FNIP2: variants seen among roughly 807,000 people sequenced by gnomAD.
The protein encoded by FNIP2 is folliculin-interacting protein 2.
Under a neutral mutation model 108.7 loss-of-function variants are expected in FNIP2, and 32 were observed. The observed-to-expected ratio is 0.29, with a 90% confidence interval of 0.22 to 0.40. The LOEUF (loss-of-function observed/expected upper bound fraction) is 0.40. FNIP2 is among the 10% of genes least tolerant of loss of function. FNIP2 has a pLI of 1.00. For synonymous variants in FNIP2, 480 were observed against 496.7 expected, an observed-to-expected ratio of 0.97 and a Z score of 0.45; for missense variants, 1,202 against 1,381.6, an observed-to-expected ratio of 0.87 and a Z score of 2.06.
At chr4:158,871,193 T>G (rs1780928517) in intron 14 of FNIP2, among the ~76,000 whole-genome samples, 1 of 152,326 alleles carries the variant, frequency 6.6e-6, no homozygotes, top group Non-Finnish European at 1.5e-5. Flanking sequence ...TGCTATTAAG[T>G]GCTTTTCTGC....
intron 12 of FNIP2, among the ~76,000 whole-genome samples, chr4:158,864,912 CTCTT>C (rs1780496695): frequency 6.6e-6 from 1 of 152,004 alleles, no homozygotes; most frequent in Non-Finnish European, 1.5e-5. Context: ...CTATTCTTCC[CTCTT>C]TCTTCCTAAG....
intron 1 of FNIP2, among the ~76,000 whole-genome samples, chr4:158,776,089 A>G (rs988956508): frequency 3.3e-5 from 5 of 152,236 alleles, no homozygotes; most frequent in African/African-American, 9.6e-5. Context: ...TCTTTAAATA[A>G]ATGATTGGTG....
Position 158,835,493 on chromosome 4 carries a change from T to A in FNIP2, c.727+17T>A, listed in dbSNP as rs780846762. ...CTCGATCAGGTACTTGTACTCTGTT[T>A]ATTGGTTTAACTAACAGAGTGAACT... is the stretch of plus-strand genomic sequence containing the variant. On this transcript the variant is annotated intron_variant, in intron 7 of 16. Transcript: ENST00000264433. 1.2e-6 allele frequency: 2 copies of A among 1,607,450 alleles called. No homozygotes were observed. Among genetic ancestry groups the A allele is most frequent in the Non-Finnish European group, 1.7e-6 (2 of 1,175,114 alleles).
intron 1 of FNIP2, among the ~76,000 whole-genome samples, chr4:158,804,413 CTTTT>C (rs35175799): frequency 2.2e-5 from 3 of 135,590 alleles, no homozygotes; most frequent in African/African-American, 5.5e-5. Context: ...GTATTATACA[CTTTT>C]TTTTTTTTTT....
chr4:158,843,372 G>A (rs1241871222), intron 7 of FNIP2, among the ~76,000 whole-genome samples: 2 of 152,182 alleles, frequency 1.3e-5, no homozygotes, highest in African/African-American at 2.4e-5. Context: ...GGGTATCACT[G>A]TCATCCTGCA....
chr4:158,883,185 G>A (rs1048918653), intron 14 of FNIP2, among the ~76,000 whole-genome samples: 10 of 152,100 alleles, frequency 6.6e-5, no homozygotes, highest in East Asian at 5.8e-4. Flanking sequence ...AGAGAGAAGT[G>A]CTTCCAATTA....
At chr4:158,793,324 A>C (rs1329664164) in intron 1 of FNIP2, among the ~76,000 whole-genome samples, 3 of 152,348 alleles carry the variant, frequency 2.0e-5, no homozygotes, top group African/African-American at 7.2e-5. Flanking sequence ...AAACAGGCCT[A>C]TGCAAAGTAT....
intron 8 of FNIP2, among the ~76,000 whole-genome samples, chr4:158,852,835 T>G (rs1166317104): frequency 6.6e-6 from 1 of 151,036 alleles, no homozygotes; most frequent in Non-Finnish European, 1.5e-5. Flanking sequence ...TCTGAAAATG[T>G]TTTTTTATCC....
intron 14 of FNIP2, chr4:158,872,027 T>A (rs1780982303): frequency 1.0e-6 from 1 of 985,006 alleles, no homozygotes; most frequent in African/African-American, 1.7e-5. Flanking sequence ...TGCTCTGCTA[T>A]CATTTTGATT....
intron 1 of FNIP2, among the ~76,000 whole-genome samples, chr4:158,791,716 G>A (rs1393653793): frequency 6.6e-6 from 1 of 152,136 alleles, no homozygotes. Context: ...ATGCCTCCCT[G>A]CCCAGACGGT....
At chr4:158,839,267 T>C (rs1470674904) in intron 7 of FNIP2, among the ~76,000 whole-genome samples, 2 of 152,200 alleles carry the variant, frequency 1.3e-5, no homozygotes, top group African/African-American at 4.8e-5. Context: ...ATATCTCTTC[T>C]CCCATTTATT....
At chr4:158,895,226 G>C (rs1782567197) in intron 15 of FNIP2, among the ~76,000 whole-genome samples, 1 of 152,134 alleles carries the variant, frequency 6.6e-6, no homozygotes, top group Admixed American at 6.6e-5. Flanking sequence ...TGTGGGGGAG[G>C]TTCAAAATGA....
At chr4:158,792,972 C>T (rs1776469882) in intron 1 of FNIP2, among the ~76,000 whole-genome samples, 1 of 152,078 alleles carries the variant, frequency 6.6e-6, no homozygotes, top group Admixed American at 6.6e-5. Context: ...TATCAAGGGA[C>T]TGGAAGATTG....
intron 12 of FNIP2, among the ~76,000 whole-genome samples, chr4:158,864,160 G>A (rs1490844204): frequency 6.6e-6 from 1 of 152,036 alleles, no homozygotes; most frequent in Non-Finnish European, 1.5e-5. Context: ...CAGCCTCCCT[G>A]GTGGCTGGGA....
intron 14 of FNIP2, among the ~76,000 whole-genome samples, chr4:158,888,874 T>TC (rs1782148851): frequency 7.5e-6 from 1 of 133,620 alleles, no homozygotes; most frequent in African/African-American, 2.9e-5. Context: ...CAAGACTGTC[T>TC]CAAAAAAAAA....
intron 1 of FNIP2, among the ~76,000 whole-genome samples, chr4:158,773,335 A>T (rs1259768598): frequency 1.3e-5 from 2 of 152,140 alleles, no homozygotes; most frequent in African/African-American, 4.8e-5. Flanking sequence ...GAAGAAGGGA[A>T]CCCTTCCTTT....
At chr4:158,872,429 T>C (rs567891882) in intron 14 of FNIP2, 1 of 985,402 alleles carries the variant, frequency 1.0e-6, no homozygotes, top group African/African-American at 1.7e-5. Flanking sequence ...CCCTTCCTTT[T>C]AGAAGGAGTG....
chr4:158,871,250 T>C (rs1343367438), intron 14 of FNIP2, among the ~76,000 whole-genome samples: 1 of 152,214 alleles, frequency 6.6e-6, no homozygotes, highest in Non-Finnish European at 1.5e-5. Flanking sequence ...ACTGTCAATC[T>C]GATGGGCCTG....
At chr4:158,779,094 G>C (rs1203851940) in intron 1 of FNIP2, among the ~76,000 whole-genome samples, 1 of 152,180 alleles carries the variant, frequency 6.6e-6, no homozygotes, top group Admixed American at 6.5e-5. Flanking sequence ...TTGATCACTT[G>C]TCTAGTTCAA....
Sources: allele counts gnomAD v4.1 joint callset (sites outside exome capture counted in the v4.1 genomes callset), GRCh38; gene constraint gnomAD v4.1.1; transcripts MANE v1.5; gene names NCBI Gene and HGNC (gene_info 2026-07-23, HGNC 2026-07-21).